EIF3L: variants seen among roughly 807,000 people sequenced by gnomAD.
EIF3L encodes eIEF associated protein HSPC021.
EIF3L carries 32 observed loss-of-function variants against 74.6 expected under a neutral mutation model. That is an observed-to-expected ratio of 0.43 (90% CI 0.32 to 0.58). The LOEUF (loss-of-function observed/expected upper bound fraction) is 0.58. EIF3L is among the 20% of genes least tolerant of loss of function. EIF3L has a pLI of 0.06. For synonymous variants in EIF3L, 256 were observed against 254.4 expected (o/e 1.01, Z -0.06); for missense variants, 474 against 707.8 (o/e 0.67, Z 3.75).
Position 37,874,633 on chromosome 22 carries a change from C to G in EIF3L, c.906+109C>G, listed in dbSNP as rs191844723. On this transcript the variant is annotated intron_variant, in intron 9 of 12. Transcript: ENST00000652021. ...TCCAGGAGAGGAAAGAGGACTGTTCCCTCAGGCCATTGAAAGTTGAGACTA... is the reference window on the plus strand; with the variant it reads ...TCCAGGAGAGGAAAGAGGACTGTTCGCTCAGGCCATTGAAAGTTGAGACTA... 28 of 1,280,666 alleles carry G rather than the reference C, an allele frequency of 2.2e-5. No homozygotes were observed. The South Asian group carries it at 4.2e-4, about 19-fold the overall frequency. 79.3% of individuals were successfully genotyped at this position (1,280,666 alleles called of 1,614,324 possible). A position where few individuals can be genotyped will look rare whatever the true frequency, so the allele number is the denominator to read the frequency against.
chr22:37,865,616 A>G (rs901489314), intron 7 of EIF3L, among the ~76,000 whole-genome samples: 1 of 152,226 alleles, frequency 6.6e-6, no homozygotes, highest in African/African-American at 2.4e-5. Flanking sequence ...GACGTTGTGT[A>G]TACAAAGTGC....
chr22:37,863,695 T>G (rs1925985384), intron 7 of EIF3L, among the ~76,000 whole-genome samples: 2 of 152,092 alleles, frequency 1.3e-5, no homozygotes, highest in African/African-American at 4.8e-5. Flanking sequence ...TCTGTAACAG[T>G]GATGTGCTAT....
Position 37,886,814 on chromosome 22 carries a change from TC to T in EIF3L, c.1626del (p.Phe543SerfsTer15). On this transcript the variant is annotated frameshift_variant, in exon 12 of 13. Transcript: ENST00000652021. LOFTEE classifies it high-confidence loss of function. ...DTKVARRYGDFFIRQIHKFEE... is the reference protein window; with the variant it reads ...DTKVARRYGDXFIRQIHKFEE... ...AAGGTCGCCAGGCGTTATGGGGATTTCTTCATCCGTCAGATCCACAAATTTG... is the reference window on the plus strand; with the variant it reads ...AAGGTCGCCAGGCGTTATGGGGATTTTTCATCCGTCAGATCCACAAATTTG... 1 of 1,611,566 alleles carries T rather than the reference TC, an allele frequency of 6.2e-7. No individual in the cohort carries two copies. The highest frequency in any genetic ancestry group is 8.5e-7 in the Non-Finnish European group (1 of 1,178,266).
At chr22:37,885,162 T>C (rs1927255149) in intron 11 of EIF3L, 1 of 152,044 alleles carries the variant, frequency 6.6e-6, no homozygotes, top group African/African-American at 2.4e-5. Context: ...TGGGCTCGGG[T>C]AGTCTGCCCA....
intron 10 of EIF3L, 73 bp downstream of exon 10, chr22:37,876,084 T>C: frequency 6.6e-7 from 1 of 1,504,426 alleles, no homozygotes; most frequent in Non-Finnish European, 9.1e-7. Context: ...CCAACCATTC[T>C]TGGTAAACAC....
chr22:37,876,141 C>T (rs925584678), intron 10 of EIF3L, 130 bp downstream of exon 10: 14 of 971,094 alleles, frequency 1.4e-5, no homozygotes, highest in East Asian at 5.2e-5. Flanking sequence ...GACTGTAGAG[C>T]GCTCTGTGAT....
chr22:37,861,330 A>C (rs1390309033), intron 5 of EIF3L, among the ~76,000 whole-genome samples: 2 of 152,086 alleles, frequency 1.3e-5, no homozygotes, highest in African/African-American at 2.4e-5. Flanking sequence ...TTGCTGCCAG[A>C]GTAAGGGGCC....
intron 3 of EIF3L, among the ~76,000 whole-genome samples, chr22:37,853,944 T>C (rs1314199156): frequency 6.6e-6 from 1 of 152,240 alleles, no homozygotes; most frequent in Non-Finnish European, 1.5e-5. Context: ...TAAACTTAAA[T>C]GGCAACTAAC....
intron 5 of EIF3L, among the ~76,000 whole-genome samples, chr22:37,861,997 C>T (rs747787009): frequency 1.3e-5 from 2 of 152,146 alleles, no homozygotes; most frequent in Non-Finnish European, 2.9e-5. Flanking sequence ...GTATTAAGCA[C>T]CTTACATAAC....
At chr22:37,865,345 A>G (rs1926092401) in intron 7 of EIF3L, among the ~76,000 whole-genome samples, 1 of 151,926 alleles carries the variant, frequency 6.6e-6, no homozygotes, top group Non-Finnish European at 1.5e-5. Flanking sequence ...TTGTAATCCT[A>G]GCTACTCGGG....
At chr22:37,851,231 A>G (rs911548821) in intron 2 of EIF3L, 49 bp from the exon 3 acceptor site, 1 of 1,549,180 alleles carries the variant, frequency 6.5e-7, no homozygotes, top group Non-Finnish European at 8.9e-7. Context: ...TCGTTCTATC[A>G]TATATGTGGG....
At chr22:37,868,092 A>G (rs1926255962) in intron 7 of EIF3L, among the ~76,000 whole-genome samples, 1 of 148,218 alleles carries the variant, frequency 6.7e-6, no homozygotes, top group Non-Finnish European at 1.5e-5. Context: ...TAATTGCATT[A>G]CGAGAATTCT....
intron 12 of EIF3L, 161 bp downstream of exon 12, chr22:37,887,006 G>T (rs1285733244): frequency 1.2e-5 from 6 of 487,474 alleles, no homozygotes; most frequent in South Asian, 1.7e-5. Context: ...TTAGCTCACT[G>T]CAACCTCTGC....
chr22:37,860,233 C>CCGTT (rs1410817976), intron 5 of EIF3L, among the ~76,000 whole-genome samples: 1 of 152,166 alleles, frequency 6.6e-6, no homozygotes, highest in Non-Finnish European at 1.5e-5. Context: ...ATAAATGCTA[C>CCGTT]CGTTTATTAC....
At position 37,870,357 on chromosome 22, in the gene EIF3L, G is replaced by C; in HGVS notation, c.751+10G>C. The C allele has an allele frequency of 1.3e-6, 2 of 1,590,096 alleles. No individual in the cohort carries two copies. Among genetic ancestry groups the C allele is most frequent in the Non-Finnish European group, 1.7e-6 (2 of 1,165,744 alleles). On this transcript the variant is annotated intron_variant, in intron 8 of 12. Coordinates refer to ENST00000652021, the MANE Select transcript of EIF3L (RefSeq NM_016091.4). ...GTATACACAAGCGGAGGTGAGTGCA[G>C]CAGGCCGACAGCCGTGGCCTGCGAA...
intron 4 of EIF3L, 48 bp downstream of exon 4, chr22:37,855,692 C>A: frequency 6.7e-7 from 1 of 1,496,892 alleles, no homozygotes; most frequent in Non-Finnish European, 9.3e-7. Flanking sequence ...AATCCAGTGG[C>A]TGAGTCATTA....
intron 7 of EIF3L, among the ~76,000 whole-genome samples, chr22:37,864,781 C>T (rs576372984): frequency 3.3e-5 from 5 of 152,122 alleles, no homozygotes; most frequent in Non-Finnish European, 5.9e-5. Context: ...TCAGGTGATC[C>T]GCCCTCCTTG....
Position 37,877,888 on chromosome 22 carries a change from T to C in EIF3L, c.1292T>C (p.Val431Ala), listed in dbSNP as rs907744137. 1 of 1,613,096 alleles carries C rather than the reference T, an allele frequency of 6.2e-7. No individual in the cohort carries two copies. Among genetic ancestry groups the C allele is most frequent in the African/African-American group, 1.3e-5 (1 of 74,916 alleles). Residue 431 changes from valine to alanine, a missense_variant, in exon 11 of 13, where the codon GTG becomes GCG. This residue lies in a region of EIF3L where 293 missense variants were observed against 469.1 expected (regional missense o/e 0.62). Transcript: ENST00000652021. ...CCTGTAGTGCCCAACTATGATAATG[T>C]GCACCCCAACTACCACAAAGAGCCC... ...LSPVVPNYDN[V>A]HPNYHKEPFL...
intron 3 of EIF3L, among the ~76,000 whole-genome samples, chr22:37,854,033 A>G (rs1289885549): frequency 6.6e-6 from 1 of 152,258 alleles, no homozygotes; most frequent in African/African-American, 2.4e-5. Flanking sequence ...GTGCCCGCAG[A>G]TACAGATGAC....
Sources: allele counts gnomAD v4.1 joint callset (sites outside exome capture counted in the v4.1 genomes callset), GRCh38; gene constraint gnomAD v4.1.1; regional missense constraint gnomAD v4.1.1; transcripts MANE v1.5; gene names NCBI Gene and HGNC (gene_info 2026-07-23, HGNC 2026-07-21).